The following CCDC7 variants were observed in gnomAD, a reference collection of about 807,000 sequenced individuals.
CCDC7 encodes the protein coiled-coil domain containing 7.
Under a neutral mutation model 196.9 loss-of-function variants are expected in CCDC7, and 183 were observed. That is an observed-to-expected ratio of 0.93 (90% confidence interval 0.82 to 1.05). CCDC7 has a LOEUF of 1.05. Ranked by LOEUF, CCDC7 falls within the 50% of genes least tolerant of loss-of-function variation. CCDC7 has a pLI of 0.00. For synonymous variants in CCDC7, 525 were observed against 484.6 expected (o/e 1.08, Z -1.10); for missense variants, 1,540 against 1,482.2 (o/e 1.04, Z -0.64).
chr10:32,640,487 T>G (rs1161543748), intron 20 of CCDC7, among the ~76,000 whole-genome samples: 1 of 152,242 alleles, frequency 6.6e-6, no homozygotes, highest in Non-Finnish European at 1.5e-5. Flanking sequence ...GTCTTTTAAT[T>G]GGAGCTTTTA....
intron 13 of CCDC7, among the ~76,000 whole-genome samples, chr10:32,547,553 G>C (rs2052676438): frequency 6.6e-6 from 1 of 152,018 alleles, no homozygotes; most frequent in East Asian, 1.9e-4. Flanking sequence ...AAGGTCATGG[G>C]ATTATTTTAG....
At chr10:32,854,063 A>G (rs2093662024) in intron 40 of CCDC7, among the ~76,000 whole-genome samples, 1 of 151,910 alleles carries the variant, frequency 6.6e-6, no homozygotes, top group Non-Finnish European at 1.5e-5. Flanking sequence ...TCTCCACTTT[A>G]TTGTTCCCAT....
At chr10:32,620,430 C>A (rs1315336443) in intron 18 of CCDC7, among the ~76,000 whole-genome samples, 1 of 151,812 alleles carries the variant, frequency 6.6e-6, no homozygotes, top group Admixed American at 6.6e-5. Flanking sequence ...TCTCATATTA[C>A]ATAATTTTAG....
intron 18 of CCDC7, among the ~76,000 whole-genome samples, chr10:32,619,383 C>T (rs1015497752): frequency 6.6e-6 from 1 of 151,482 alleles, no homozygotes; most frequent in African/African-American, 2.4e-5. Flanking sequence ...TGTATAATAA[C>T]AATAATGTAT....
intron 28 of CCDC7, among the ~76,000 whole-genome samples, chr10:32,748,651 G>A (rs1426260890): frequency 6.6e-6 from 1 of 152,202 alleles, no homozygotes; most frequent in African/African-American, 2.4e-5. Flanking sequence ...CAATCTTTTG[G>A]TGATCCTGTG....
chr10:32,486,874 T>C (rs1343218147), intron 8 of CCDC7, among the ~76,000 whole-genome samples: 2 of 151,998 alleles, frequency 1.3e-5, no homozygotes, highest in African/African-American at 2.4e-5. Flanking sequence ...GTTAGTCTGA[T>C]GGGCTTCCCT....
At chr10:32,551,125 A>G (rs1213190683) in intron 13 of CCDC7, among the ~76,000 whole-genome samples, 2 of 152,016 alleles carry the variant, frequency 1.3e-5, no homozygotes. Flanking sequence ...GATTTAAGCT[A>G]GGAGGGTTGT....
chr10:32,510,853 A>C (rs2045998457), intron 9 of CCDC7, among the ~76,000 whole-genome samples: 1 of 152,102 alleles, frequency 6.6e-6, no homozygotes, highest in Non-Finnish European at 1.5e-5. Context: ...ATGATAAAGT[A>C]TCTATACAGA....
At chr10:32,836,568 T>C (rs950185072) in intron 33 of CCDC7, among the ~76,000 whole-genome samples, 13 of 152,078 alleles carry the variant, frequency 8.5e-5, no homozygotes, top group Admixed American at 1.3e-4. Context: ...TTTCAATGAT[T>C]ACCATTCTAA....
intron 20 of CCDC7, among the ~76,000 whole-genome samples, chr10:32,648,943 G>A (rs146394664): frequency 0.041 from 6,301 of 152,270 alleles, 133 homozygotes; most frequent in Middle Eastern, 0.065. Context: ...TAAAGAAAAT[G>A]TGGTACATAT....
chr10:32,484,181 G>A (rs939000990), intron 8 of CCDC7, among the ~76,000 whole-genome samples: 2 of 152,114 alleles, frequency 1.3e-5, no homozygotes, highest in Admixed American at 6.6e-5. Context: ...CTGAGCAGTG[G>A]TTTGTAGTTA....
At chr10:32,677,601 G>T (rs2075221226) in intron 21 of CCDC7, among the ~76,000 whole-genome samples, 1 of 151,840 alleles carries the variant, frequency 6.6e-6, no homozygotes, top group Non-Finnish European at 1.5e-5. Flanking sequence ...AGTTTTATGG[G>T]TTTATCTTGT....
Position 32,759,213 on chromosome 10 carries a change from T to G in CCDC7, c.2906-19764T>G, listed in dbSNP as rs550676580. ...AATGCCATCCCCATCAAGCTACCAA[T>G]GACTTTCTTCACAGAATTGGAGAAA... On this transcript the variant is annotated intron_variant, in intron 28 of 41. Transcript: ENST00000639629. Among the ~76,000 whole-genome samples, 4 of 152,284 alleles carry G rather than the reference T, an allele frequency of 2.6e-5. No homozygotes were observed. The East Asian group carries it at 5.8e-4, about 22-fold the overall frequency.
At chr10:32,494,966 C>T (rs1175220012) in intron 9 of CCDC7, among the ~76,000 whole-genome samples, 1 of 152,174 alleles carries the variant, frequency 6.6e-6, no homozygotes, top group African/African-American at 2.4e-5. Context: ...TGAGGAATCA[C>T]CACACTGTCT....
At chr10:32,624,963 T>A (rs974816593) in intron 18 of CCDC7, among the ~76,000 whole-genome samples, 2 of 150,846 alleles carry the variant, frequency 1.3e-5, no homozygotes, top group Non-Finnish European at 3.0e-5. Flanking sequence ...TTTCGTTGAC[T>A]TTTTTCTTTG....
At chr10:32,487,965 T>G (rs973931940) in intron 8 of CCDC7, among the ~76,000 whole-genome samples, 4 of 152,214 alleles carry the variant, frequency 2.6e-5, no homozygotes, top group Non-Finnish European at 5.9e-5. Context: ...CTGTCCGTTC[T>G]CAGATCTCCA....
At chr10:32,655,597 G>A (rs1456366301) in intron 20 of CCDC7, among the ~76,000 whole-genome samples, 1 of 152,038 alleles carries the variant, frequency 6.6e-6, no homozygotes, top group Non-Finnish European at 1.5e-5. Flanking sequence ...TGTGATCTTG[G>A]CTCACTGCAA....
chr10:32,449,268 A>C (rs746143509), upstream of CCDC7, among the ~76,000 whole-genome samples: 1 of 151,888 alleles, frequency 6.6e-6, no homozygotes. Context: ...GCTCACTGCA[A>C]CCTCTACCTC....
At chr10:32,611,403 A>G (rs908860762) in intron 18 of CCDC7, among the ~76,000 whole-genome samples, 8 of 152,124 alleles carry the variant, frequency 5.3e-5, no homozygotes, top group African/African-American at 1.4e-4. Context: ...TTCTTTTGCT[A>G]TGCAGAAGCT....
Sources: gnomAD v4.1 joint callset for allele counts (sites outside exome capture counted in the v4.1 genomes callset) on GRCh38, gnomAD v4.1.1 for gene constraint, MANE v1.5 for transcripts, NCBI Gene and HGNC (gene_info 2026-07-23, HGNC 2026-07-21) for gene names.